Variants in USH2A observed in about 807,000 individuals in gnomAD.
USH2A encodes the protein Usher syndrome 2A (autosomal recessive, mild).
Under a neutral mutation model 538.9 loss-of-function variants are expected in USH2A, and 443 were observed. The observed-to-expected ratio is 0.82, with a 90% confidence interval of 0.76 to 0.89. The LOEUF (loss-of-function observed/expected upper bound fraction) is 0.89. Ranked by LOEUF, USH2A falls within the 40% of genes least tolerant of loss-of-function variation. The pLI is 0.00. For missense variants in USH2A, 6,633 were observed against 6,324.8 expected, an observed-to-expected ratio of 1.05 and a Z score of -1.65; for synonymous variants, 2,413 against 2,273.5, an observed-to-expected ratio of 1.06 and a Z score of -1.75.
chr1:215,686,940 T>C (rs1180815064), intron 61 of USH2A, among the ~76,000 whole-genome samples: 23 of 152,144 alleles, frequency 1.5e-4, no homozygotes, highest in Admixed American at 1.4e-3. Context: ...AATAACTGAA[T>C]GGTGTTAAAA....
At chr1:216,419,302 T>C (rs999893021) in intron 2 of USH2A, among the ~76,000 whole-genome samples, 1 of 152,164 alleles carries the variant, frequency 6.6e-6, no homozygotes, top group Admixed American at 6.6e-5. Flanking sequence ...TCATGTTAAA[T>C]ATCTGAGGTG....
chr1:215,626,199 AAAT>A (rs2102621747), intron 71 of USH2A, among the ~76,000 whole-genome samples: 1 of 151,012 alleles, frequency 6.6e-6, no homozygotes, highest in Non-Finnish European at 1.5e-5. Flanking sequence ...TACTTGATAA[AAAT>A]AAATTAGCTG....
chr1:215,739,931 A>C (rs1660254175), intron 60 of USH2A, among the ~76,000 whole-genome samples: 1 of 152,180 alleles, frequency 6.6e-6, no homozygotes, highest in South Asian at 2.1e-4. Context: ...CTAACAAAGG[A>C]TGTTGAAGAG....
chr1:215,771,084 G>A (rs191670458), intron 55 of USH2A, among the ~76,000 whole-genome samples: 16 of 151,024 alleles, frequency 1.1e-4, no homozygotes, highest in Non-Finnish European at 2.1e-4. Flanking sequence ...CTGAGATCCT[G>A]CCACTATGCT....
At chr1:216,043,889 T>C (rs557166492) in intron 32 of USH2A, among the ~76,000 whole-genome samples, 7 of 152,148 alleles carry the variant, frequency 4.6e-5, no homozygotes, top group African/African-American at 1.4e-4. Context: ...TAGTTTCTCT[T>C]CCCCTGGCTG....
intron 4 of USH2A, among the ~76,000 whole-genome samples, chr1:216,340,892 T>C (rs1329902597): frequency 6.6e-6 from 1 of 152,150 alleles, no homozygotes; most frequent in Non-Finnish European, 1.5e-5. Flanking sequence ...AATATTATAC[T>C]GAATGGGCAA....
intron 3 of USH2A, among the ~76,000 whole-genome samples, chr1:216,377,773 G>T (rs1323962724): frequency 4.2e-5 from 5 of 119,428 alleles, no homozygotes; most frequent in Admixed American, 8.7e-5. Flanking sequence ...GAGAAGGAAA[G>T]AAATAAAAAG....
At chr1:216,383,611 G>A (rs2102736631) in intron 3 of USH2A, among the ~76,000 whole-genome samples, 1 of 152,278 alleles carries the variant, frequency 6.6e-6, no homozygotes, top group South Asian at 2.1e-4. Context: ...AATTTTCTAT[G>A]GGAGTTAACA....
chr1:216,272,858 GT>G (rs773572587), intron 11 of USH2A, among the ~76,000 whole-genome samples: 8 of 152,008 alleles, frequency 5.3e-5, no homozygotes, highest in African/African-American at 1.7e-4. Context: ...TGAGCTTTCA[GT>G]TTTTTCATGT....
At chr1:215,989,762 A>G (rs868801535) in intron 35 of USH2A, among the ~76,000 whole-genome samples, 16 of 152,020 alleles carry the variant, frequency 1.1e-4, no homozygotes, top group Admixed American at 3.9e-4. Flanking sequence ...ATACAGGAGA[A>G]AGAGCAAGCA....
chr1:216,121,410 T>TC lies in USH2A; in HGVS notation c.4628-24198dup, dbSNP rs975731768. Reference sequence around the variant, plus strand: ...TTGATTTAAATTTTGCTGGTTTTTTTCTTTTTTTTAAACAGCTAATTTGAT... The same window carrying TC: ...TTGATTTAAATTTTGCTGGTTTTTTTCCTTTTTTTTAAACAGCTAATTTGAT... On this transcript the variant is annotated intron_variant, in intron 21 of 71. Transcript: ENST00000307340. Among the ~76,000 whole-genome samples, 4 of 129,628 alleles carry TC rather than the reference T, an allele frequency of 3.1e-5. No individual in the cohort carries two copies. The Admixed American group carries it at 3.5e-4, about 11-fold the overall frequency. The allele number at this position is 129,628 out of a possible 152,430, so 85.0% of individuals were successfully genotyped here.
chr1:215,687,120 G>A (rs1366840870), intron 61 of USH2A, among the ~76,000 whole-genome samples: 1 of 152,074 alleles, frequency 6.6e-6, no homozygotes, highest in Non-Finnish European at 1.5e-5. Context: ...GGACACTATT[G>A]ACGACTGGGT....
At chr1:216,405,068 C>T (rs2039371524) in intron 3 of USH2A, among the ~76,000 whole-genome samples, 1 of 152,168 alleles carries the variant, frequency 6.6e-6, no homozygotes, top group South Asian at 2.1e-4. Flanking sequence ...GGTGCCCAGG[C>T]TGGTCTCGAA....
chr1:215,814,937 T>G (rs1662816416), intron 48 of USH2A, among the ~76,000 whole-genome samples: 2 of 152,116 alleles, frequency 1.3e-5, no homozygotes, highest in African/African-American at 4.8e-5. Context: ...TCACTGGGAT[T>G]TGTGAACCAT....
rs1190943874 is a variant in USH2A, at chr1:215,934,668, A to G, written c.7248T>C (p.Asn2416=). 6.2e-7 allele frequency: 1 copy of G among 1,612,774 alleles called. No homozygotes were observed. Among genetic ancestry groups the G allele is most frequent in the South Asian group, 1.1e-5 (1 of 91,056 alleles). Reference sequence around the variant, plus strand: ...GATCAGTTATCAAGCTGCCTTGGCTATTTGAAATATTCACTTGTACAGTAT... The same window carrying G: ...GATCAGTTATCAAGCTGCCTTGGCTGTTTGAAATATTCACTTGTACAGTAT... ...TNYTVQVNIS[N]SQGSLITDPI... The change falls in exon 38 of 72, where the codon AAT becomes AAC. Residue 2416 remains asparagine, a synonymous_variant. Transcript: ENST00000307340.
intron 62 of USH2A, among the ~76,000 whole-genome samples, chr1:215,676,813 A>T (rs1352134174): frequency 6.6e-6 from 1 of 151,946 alleles, no homozygotes; most frequent in Non-Finnish European, 1.5e-5. Context: ...CCTGATATTC[A>T]CCCGGCAAAT....
chr1:216,046,651 T>A lies in USH2A; in HGVS notation c.6164-59A>T, dbSNP rs898270273. On this transcript the variant is annotated intron_variant, in intron 31 of 71. Coordinates refer to ENST00000307340, the MANE Select transcript of USH2A (RefSeq NM_206933.4). Reference sequence around the variant, plus strand: ...AGTTTACTTTTCTAATTCAAACTTTTCAGACCCAAACCAATAAATCATGGA... The same window carrying A: ...AGTTTACTTTTCTAATTCAAACTTTACAGACCCAAACCAATAAATCATGGA... 8.8e-6 allele frequency: 14 copies of A among 1,592,468 alleles called. No individual in the cohort carries two copies. In the East Asian group the frequency reaches 1.3e-4, roughly 15 times the overall value.
chr1:216,171,030 C>A (rs1307671893), intron 21 of USH2A, among the ~76,000 whole-genome samples: 1 of 152,040 alleles, frequency 6.6e-6, no homozygotes, highest in Non-Finnish European at 1.5e-5. Context: ...TTTTTTATAA[C>A]ATCTGATATG....
intron 50 of USH2A, among the ~76,000 whole-genome samples, chr1:215,798,107 G>A (rs887125784): frequency 1.3e-5 from 2 of 152,146 alleles, no homozygotes; most frequent in African/African-American, 4.8e-5. Context: ...AGTGGAAATA[G>A]CAAGAGAACT....
Sources: allele counts gnomAD v4.1 joint callset (sites outside exome capture counted in the v4.1 genomes callset), GRCh38; gene constraint gnomAD v4.1.1; transcripts MANE v1.5; gene names NCBI Gene and HGNC (gene_info 2026-07-23, HGNC 2026-07-21).